DEPDC5: variants seen among roughly 807,000 people sequenced by gnomAD.
DEPDC5 encodes GATOR1 complex protein DEPDC5.
Under a neutral mutation model 217.3 loss-of-function variants are expected in DEPDC5, and 73 were observed. That is an observed-to-expected ratio of 0.34 (90% CI 0.28 to 0.41). DEPDC5 has a LOEUF of 0.41. Ranked by LOEUF, DEPDC5 falls within the 10% of genes least tolerant of loss-of-function variation. The pLI, the probability that DEPDC5 is intolerant of heterozygous loss-of-function variation, is 1.00. For synonymous variants in DEPDC5, 733 were observed against 756.7 expected (o/e 0.97, Z 0.51); for missense variants, 1,675 against 2,070.1 (o/e 0.81, Z 3.70).
intron 16 of DEPDC5, 105 bp downstream of exon 16, chr22:31,804,328 A>G (rs2087233800): frequency 9.0e-7 from 1 of 1,111,306 alleles, no homozygotes. Flanking sequence ...CTTACTCGAG[A>G]GGCTGAAGTG....
At chr22:31,824,022 T>C (rs1216216387) in intron 24 of DEPDC5, among the ~76,000 whole-genome samples, 1 of 152,228 alleles carries the variant, frequency 6.6e-6, no homozygotes, top group East Asian at 1.9e-4. Flanking sequence ...TTTAGTGTTC[T>C]ATAAGCTAAC....
intron 22 of DEPDC5, among the ~76,000 whole-genome samples, chr22:31,820,589 T>C (rs1221320156): frequency 6.6e-6 from 1 of 152,202 alleles, no homozygotes; most frequent in East Asian, 1.9e-4. Flanking sequence ...ATCTCTGCTA[T>C]AATCAGTCAC....
chr22:31,814,841 G>C, intron 20 of DEPDC5, 151 bp from the exon 21 acceptor site: 1 of 698,998 alleles, frequency 1.4e-6, no homozygotes. Context: ...TAAGGGTGAA[G>C]TACCGCATAC....
intron 38 of DEPDC5, among the ~76,000 whole-genome samples, chr22:31,883,544 T>A (rs2093232825): frequency 6.6e-6 from 1 of 152,220 alleles, no homozygotes; most frequent in South Asian, 2.1e-4. Context: ...AATTGATGTG[T>A]CAGGTCCTGT....
chr22:31,792,749 A>G lies in DEPDC5; in HGVS notation c.699A>G (p.Glu233=), dbSNP rs1361700032. The G allele has an allele frequency of 1.3e-6, 2 of 1,544,376 alleles. No homozygotes were observed. Among genetic ancestry groups the G allele is most frequent in the South Asian group, 2.6e-5 (2 of 77,334 alleles). Residue 233 remains glutamate, a synonymous_variant, in exon 12 of 43, where the codon GAA becomes GAG. Coordinates refer to ENST00000651528, the MANE Select transcript of DEPDC5 (RefSeq NM_001242896.3). The part of the protein sequence containing the change: ...RTFYDAKSVD[E]FPEINRASIR... Reference sequence around the variant, plus strand: ...ACTCCGTTTTCTCTATTTCAGATGAATTTCCTGAAATAAACCGAGCCTCAA... The same window carrying G: ...ACTCCGTTTTCTCTATTTCAGATGAGTTTCCTGAAATAAACCGAGCCTCAA...
At chr22:31,824,386 T>C (rs566964067) in intron 24 of DEPDC5, among the ~76,000 whole-genome samples, 70 of 152,276 alleles carry the variant, frequency 4.6e-4, no homozygotes, top group African/African-American at 1.6e-3. Flanking sequence ...AAAATGAAGT[T>C]ATATCAAATT....
At chr22:31,798,025 A>G (rs950042274) in intron 13 of DEPDC5, among the ~76,000 whole-genome samples, 2 of 151,852 alleles carry the variant, frequency 1.3e-5, no homozygotes, top group African/African-American at 2.4e-5. Context: ...GGCTCAAGCA[A>G]TCCTCCTGCC....
chr22:31,829,845 A>G (rs548020142), intron 24 of DEPDC5, among the ~76,000 whole-genome samples: 14 of 152,306 alleles, frequency 9.2e-5, no homozygotes, highest in African/African-American at 3.1e-4. Context: ...ATCCCTCTGT[A>G]TCTTTAACTG....
Position 31,907,946 on chromosome 22 carries a change from A to G in DEPDC5, c.*1449A>G, listed in dbSNP as rs2093776228. 6.6e-6 allele frequency: 1 copy of G among 152,144 alleles called. No homozygotes were observed. The highest frequency in any genetic ancestry group is 2.1e-4 in the South Asian group (1 of 4,828). The allele number at this position is 152,144 out of a possible 1,614,324, so 9.4% of individuals were successfully genotyped here. ...CAGCCTTCCTTTGTCTTTCTCTTAG[A>G]TCCCCAGGAAAACCTTCTAATTTGT... On this transcript the variant is annotated 3_prime_UTR_variant, in exon 43 of 43. Transcript: ENST00000651528.
chr22:31,809,218 G>A (rs1193133624), intron 18 of DEPDC5, among the ~76,000 whole-genome samples: 1 of 152,172 alleles, frequency 6.6e-6, no homozygotes, highest in East Asian at 1.9e-4. Context: ...GCAGACAGGT[G>A]ACAGCACCGT....
intron 34 of DEPDC5, among the ~76,000 whole-genome samples, chr22:31,871,651 A>G (rs1778694172): frequency 6.6e-6 from 1 of 152,244 alleles, no homozygotes; most frequent in Admixed American, 6.5e-5. Flanking sequence ...AATGCATAGA[A>G]AAAATCTGCT....
At chr22:31,803,482 G>C (rs2087115738) in intron 15 of DEPDC5, among the ~76,000 whole-genome samples, 1 of 152,030 alleles carries the variant, frequency 6.6e-6, no homozygotes, top group Non-Finnish European at 1.5e-5. Flanking sequence ...AAAGTTCTAG[G>C]ATTGCAGGCA....
chr22:31,838,959 A>C, intron 27 of DEPDC5, 114 bp downstream of exon 27: 1 of 1,169,690 alleles, frequency 8.5e-7, no homozygotes, highest in Non-Finnish European at 1.2e-6. Flanking sequence ...TCGACATAGA[A>C]GTTTTCTTTA....
chr22:31,882,024 A>G (rs1182301596), intron 38 of DEPDC5, among the ~76,000 whole-genome samples: 4 of 152,060 alleles, frequency 2.6e-5, no homozygotes, highest in African/African-American at 9.7e-5. Context: ...GTCAGTGGGA[A>G]GCAGAAGCCA....
chr22:31,897,035 T>C (rs375526416), intron 39 of DEPDC5, among the ~76,000 whole-genome samples: 16 of 151,966 alleles, frequency 1.1e-4, no homozygotes, highest in South Asian at 1.0e-3. Context: ...GAGAATTGCT[T>C]GAACCTGGGA....
chr22:31,784,620 CAA>C (rs34957936), intron 9 of DEPDC5, 192 bp from the exon 10 acceptor site: 17,369 of 315,416 alleles, frequency 0.055, no homozygotes, highest in South Asian at 0.096. Flanking sequence ...ACTCCCATCT[CAA>C]AAAAAAAAAA....
At chr22:31,887,862 G>A (rs1323283178) in intron 38 of DEPDC5, among the ~76,000 whole-genome samples, 1 of 152,126 alleles carries the variant, frequency 6.6e-6, no homozygotes, top group Non-Finnish European at 1.5e-5. Flanking sequence ...AAGTGGGGAA[G>A]ATCTGTTTTC....
At chr22:31,879,487 G>T in intron 37 of DEPDC5, 38 bp from the exon 38 acceptor site, 2 of 1,577,080 alleles carry the variant, frequency 1.3e-6, no homozygotes, top group Non-Finnish European at 8.6e-7. Flanking sequence ...ATAAGCATTT[G>T]TGTTGAGTAC....
At chr22:31,832,650 C>G (rs370019724) in intron 24 of DEPDC5, among the ~76,000 whole-genome samples, 3 of 152,282 alleles carry the variant, frequency 2.0e-5, no homozygotes, top group African/African-American at 7.2e-5. Flanking sequence ...GCCACCATGC[C>G]TGGCAAATCA....
Sources: allele counts gnomAD v4.1 joint callset (sites outside exome capture counted in the v4.1 genomes callset), GRCh38; gene constraint gnomAD v4.1.1; transcripts MANE v1.5; gene names NCBI Gene and HGNC (gene_info 2026-07-23, HGNC 2026-07-21).